The following ZFAND3 variants were observed in gnomAD, a reference collection of about 807,000 sequenced individuals.
ZFAND3 encodes the protein AN1-type zinc finger protein 3.
Under a neutral mutation model 29.6 loss-of-function variants are expected in ZFAND3, and 10 were observed. The ratio of observed to expected loss-of-function variants is 0.34; its 90% CI spans 0.21 to 0.57. The LOEUF (loss-of-function observed/expected upper bound fraction) is 0.57. Ranked by LOEUF, ZFAND3 falls within the 20% of genes least tolerant of loss-of-function variation. The pLI is 0.86. For synonymous variants in ZFAND3, 128 were observed against 112.6 expected, an observed-to-expected ratio of 1.14 and a Z score of -0.87; for missense variants, 230 against 304.5, an observed-to-expected ratio of 0.76 and a Z score of 1.82.
At position 38,009,017 on chromosome 6, in the gene ZFAND3, C is replaced by T. The variant is rs1247441096; in HGVS notation, c.113-52576C>T. On this transcript the variant is annotated intron_variant, in intron 2 of 5. Transcript: ENST00000287218. ...TGTTGTTCCGACCAGCTATTAGCTC[C>T]TATACTAAAATTGGTTGCCTTGCAG... Among the ~76,000 whole-genome samples, 3 of 152,164 alleles carry T rather than the reference C, an allele frequency of 2.0e-5. No individual in the cohort carries two copies. In the East Asian group the frequency reaches 5.8e-4, roughly 29 times the overall value.
chr6:37,826,097 A>G (rs1375150215), intron 1 of ZFAND3, among the ~76,000 whole-genome samples: 2 of 132,706 alleles, frequency 1.5e-5, no homozygotes, highest in African/African-American at 5.0e-5. Context: ...CTCTCTTGCA[A>G]AAAAAAAAGA....
chr6:37,934,570 G>C (rs1183839160), intron 2 of ZFAND3, among the ~76,000 whole-genome samples: 4 of 147,444 alleles, frequency 2.7e-5, no homozygotes, highest in African/African-American at 9.9e-5. Flanking sequence ...GGTGGCTCAC[G>C]CCTGTAATCC....
intron 4 of ZFAND3, among the ~76,000 whole-genome samples, chr6:38,099,663 G>T (rs1441325596): frequency 6.6e-6 from 1 of 152,176 alleles, no homozygotes; most frequent in Non-Finnish European, 1.5e-5. Flanking sequence ...ATTTAACTCA[G>T]ATTGTGTTAA....
intron 1 of ZFAND3, among the ~76,000 whole-genome samples, chr6:37,889,151 C>A (rs866636418): frequency 7.2e-5 from 11 of 152,194 alleles, no homozygotes; most frequent in South Asian, 2.1e-4. Flanking sequence ...ATGACTACAG[C>A]ACCTCTGAGC....
intron 2 of ZFAND3, among the ~76,000 whole-genome samples, chr6:37,938,050 C>G (rs1285219509): frequency 3.3e-5 from 5 of 152,144 alleles, no homozygotes; most frequent in Non-Finnish European, 1.5e-5. Context: ...CATCATCTTC[C>G]CAACTCAGAG....
rs554999969 is a variant in ZFAND3 at position 38,014,092 on chromosome 6, G to GGA, written c.113-47490_113-47489dup. On this transcript the variant is annotated intron_variant, in intron 2 of 5. Coordinates refer to ENST00000287218, the MANE Select transcript of ZFAND3 (RefSeq NM_021943.3). ...TAGTTCCCAAAAAATGTTTGCAAGG[G>GGA]GAGAGAGAGAGAATGAGAATGGTAA... 2.8e-4 allele frequency among the ~76,000 whole-genome samples: 43 copies of GGA among 152,064 alleles called. No individual in the cohort carries two copies. In the South Asian group the frequency reaches 8.7e-3, roughly 31 times the overall value.
intron 5 of ZFAND3, among the ~76,000 whole-genome samples, chr6:38,141,777 G>A (rs2127495481): frequency 6.6e-6 from 1 of 152,316 alleles, no homozygotes; most frequent in East Asian, 1.9e-4. Flanking sequence ...GGAAGGAACA[G>A]ACATGATGGG....
At chr6:38,062,979 C>T (rs191087703) in intron 3 of ZFAND3, among the ~76,000 whole-genome samples, 2 of 151,348 alleles carry the variant, frequency 1.3e-5, no homozygotes, top group African/African-American at 4.8e-5. Context: ...GTCCCAGCTA[C>T]TTGGGAAGCT....
At chr6:37,926,740 C>G (rs1329654556) in intron 1 of ZFAND3, among the ~76,000 whole-genome samples, 1 of 152,164 alleles carries the variant, frequency 6.6e-6, no homozygotes, top group Non-Finnish European at 1.5e-5. Context: ...TTTCACTGCT[C>G]CAGTGAAACT....
chr6:37,959,881 C>G (rs752421581), intron 2 of ZFAND3, among the ~76,000 whole-genome samples: 1 of 152,144 alleles, frequency 6.6e-6, no homozygotes, highest in African/African-American at 2.4e-5. Flanking sequence ...CTTGAGAAGG[C>G]GAAATCTGTA....
intron 4 of ZFAND3, among the ~76,000 whole-genome samples, chr6:38,090,041 C>T (rs1009340139): frequency 6.6e-6 from 1 of 152,070 alleles, no homozygotes; most frequent in Non-Finnish European, 1.5e-5. Flanking sequence ...TTGGTAGTGA[C>T]GGGGTTTCAC....
At chr6:38,047,393 C>T (rs1463106501) in intron 2 of ZFAND3, among the ~76,000 whole-genome samples, 1 of 151,666 alleles carries the variant, frequency 6.6e-6, no homozygotes, top group Non-Finnish European at 1.5e-5. Flanking sequence ...GGTCTGTGAT[C>T]TGTGATGCTT....
At chr6:37,891,416 T>TCCCCCCCCCCCCCCCCC (rs113061455) in intron 1 of ZFAND3, among the ~76,000 whole-genome samples, 4 of 117,134 alleles carry the variant, frequency 3.4e-5, no homozygotes, top group Admixed American at 8.4e-5. Context: ...GAGATTTCAG[T>TCCCCCCCCCCCCCCCCC]CCCCCCCCCC....
intron 2 of ZFAND3, among the ~76,000 whole-genome samples, chr6:37,931,903 A>C (rs1761603798): frequency 6.6e-6 from 1 of 152,214 alleles, no homozygotes; most frequent in Admixed American, 6.5e-5. Context: ...TTTGTCAGAT[A>C]CTTAGGTTTT....
chr6:37,867,147 G>A (rs1192197119), intron 1 of ZFAND3, among the ~76,000 whole-genome samples: 1 of 152,046 alleles, frequency 6.6e-6, no homozygotes, highest in African/African-American at 2.4e-5. Context: ...ATCTTTTTTT[G>A]TAGTTCTGTA....
At chr6:37,932,786 G>T (rs539868293) in intron 2 of ZFAND3, among the ~76,000 whole-genome samples, 1 of 152,148 alleles carries the variant, frequency 6.6e-6, no homozygotes, top group Non-Finnish European at 1.5e-5. Context: ...CTCGTGATCT[G>T]TGTCTATTTA....
chr6:38,021,565 TC>T (rs1246939902), intron 2 of ZFAND3, among the ~76,000 whole-genome samples: 1 of 152,214 alleles, frequency 6.6e-6, no homozygotes, highest in African/African-American at 2.4e-5. Context: ...TCTCCCTTCT[TC>T]CAATCAGCAA....
At chr6:38,104,283 G>A (rs563813044) in intron 4 of ZFAND3, among the ~76,000 whole-genome samples, 13 of 152,092 alleles carry the variant, frequency 8.5e-5, no homozygotes, top group African/African-American at 2.9e-4. Context: ...GAGACCTCGC[G>A]TATGAGCTGT....
chr6:38,028,595 A>G (rs1763492354), intron 2 of ZFAND3, among the ~76,000 whole-genome samples: 1 of 152,202 alleles, frequency 6.6e-6, no homozygotes, highest in African/African-American at 2.4e-5. Flanking sequence ...ATCCAGGGGT[A>G]GTGTCCCATT....
Sources: allele counts gnomAD v4.1 joint callset (sites outside exome capture counted in the v4.1 genomes callset), GRCh38; gene constraint gnomAD v4.1.1; transcripts MANE v1.5; gene names NCBI Gene and HGNC (gene_info 2026-07-23, HGNC 2026-07-21).